The following RAB11FIP4 variants were observed in gnomAD, a reference collection of about 807,000 sequenced individuals.
RAB11FIP4 encodes RAB11 family interacting protein 4.
Under a neutral mutation model 74.3 loss-of-function variants are expected in RAB11FIP4, and 23 were observed. The observed-to-expected ratio is 0.31, with a 90% CI of 0.22 to 0.44. The LOEUF is 0.44. Among genes scored for constraint, RAB11FIP4 ranks in the 20% least tolerant of loss-of-function variants. The pLI is 1.00. For missense variants in RAB11FIP4, 630 were observed against 863.9 expected (o/e 0.73, Z 3.39); for synonymous variants, 360 against 359.9 (o/e 1.00, Z 0.00).
In RAB11FIP4 at chr17:31,536,635, T is replaced by G. The variant is rs2072968770; in HGVS notation, c.*4903T>G. 2 of 198,688 alleles carry G rather than the reference T, an allele frequency of 1.0e-5. No homozygotes were observed. Among genetic ancestry groups the G allele is most frequent in the African/African-American group, 4.6e-5 (2 of 43,372 alleles). The allele number at this position is 198,688 out of a possible 1,614,324, so 12.3% of individuals were successfully genotyped here. ...AAGGGGCCTCAAGTTAGAAGGGCCA[T>G]GCCGTCAGTGGATGACTTTGAGCGC... On this transcript the variant is annotated 3_prime_UTR_variant, in exon 15 of 15. Coordinates refer to ENST00000621161, the MANE Select transcript of RAB11FIP4 (RefSeq NM_032932.6).
At chr17:31,470,263 G>A (rs577150615) in intron 3 of RAB11FIP4, among the ~76,000 whole-genome samples, 1 of 152,262 alleles carries the variant, frequency 6.6e-6, no homozygotes, top group East Asian at 1.9e-4. Flanking sequence ...TGGTCCTCAG[G>A]CACCTGCACC....
intron 7 of RAB11FIP4, 54 bp downstream of exon 7, chr17:31,522,449 T>C: frequency 6.4e-7 from 1 of 1,571,264 alleles, no homozygotes; most frequent in Non-Finnish European, 8.7e-7. Context: ...TGCTGCCCAC[T>C]GGCCGGGGCT....
chr17:31,477,516 G>C (rs1169703354), intron 3 of RAB11FIP4, among the ~76,000 whole-genome samples: 1 of 152,246 alleles, frequency 6.6e-6, no homozygotes, highest in East Asian at 1.9e-4. Flanking sequence ...GCTGTGGGGA[G>C]AAGAGCAGCG....
At chr17:31,440,485 A>G (rs892274319) in intron 3 of RAB11FIP4, among the ~76,000 whole-genome samples, 13 of 152,120 alleles carry the variant, frequency 8.5e-5, no homozygotes, top group African/African-American at 3.1e-4. Flanking sequence ...TTTAACCTTT[A>G]AGGCCAGGTG....
At chr17:31,528,831 G>A (rs1033298352) in intron 13 of RAB11FIP4, 53 bp downstream of exon 13, 47 of 1,560,706 alleles carry the variant, frequency 3.0e-5, no homozygotes, top group Admixed American at 5.2e-5. Flanking sequence ...GGCCCACCAC[G>A]TGGGTTTCCT....
chr17:31,409,979 C>T (rs1440731419), intron 1 of RAB11FIP4, among the ~76,000 whole-genome samples: 1 of 152,138 alleles, frequency 6.6e-6, no homozygotes, highest in Non-Finnish European at 1.5e-5. Flanking sequence ...GGTCAGAGGT[C>T]AACTCCCAGA....
chr17:31,442,421 C>G (rs2071414784), intron 3 of RAB11FIP4, among the ~76,000 whole-genome samples: 1 of 152,174 alleles, frequency 6.6e-6, no homozygotes, highest in Non-Finnish European at 1.5e-5. Context: ...CAGAGGTTGG[C>G]AAATTACAGA....
intron 1 of RAB11FIP4, among the ~76,000 whole-genome samples, chr17:31,421,182 C>G (rs1160487354): frequency 6.6e-6 from 1 of 152,086 alleles, no homozygotes; most frequent in Non-Finnish European, 1.5e-5. Context: ...TTTTCAGATG[C>G]CTTTCTGTTT....
intron 3 of RAB11FIP4, among the ~76,000 whole-genome samples, chr17:31,472,890 G>T (rs1429469400): frequency 1.3e-5 from 2 of 152,022 alleles, no homozygotes; most frequent in Middle Eastern, 3.4e-3. Context: ...AAAATTAGCT[G>T]GGCGTGGTGG....
At chr17:31,438,282 C>A (rs1428908298) in intron 3 of RAB11FIP4, among the ~76,000 whole-genome samples, 44 of 152,058 alleles carry the variant, frequency 2.9e-4, no homozygotes, top group Admixed American at 2.8e-3. Flanking sequence ...CCCGTGGTCA[C>A]CCCTCAGCAG....
intron 2 of RAB11FIP4, among the ~76,000 whole-genome samples, chr17:31,433,242 G>A (rs1597914138): frequency 6.6e-6 from 1 of 152,198 alleles, no homozygotes; most frequent in East Asian, 1.9e-4. Flanking sequence ...AGTCACTTCT[G>A]GAGTCCCAGG....
At chr17:31,503,808 G>C (rs2072266668) in intron 3 of RAB11FIP4, among the ~76,000 whole-genome samples, 1 of 149,654 alleles carries the variant, frequency 6.7e-6, no homozygotes, top group African/African-American at 2.6e-5. Flanking sequence ...TATTCTTTCA[G>C]GATGGCTTCA....
intron 3 of RAB11FIP4, among the ~76,000 whole-genome samples, chr17:31,453,423 T>C (rs1046957262): frequency 2.0e-5 from 3 of 148,126 alleles, no homozygotes; most frequent in Admixed American, 6.8e-5. Context: ...CCAAGAGTTC[T>C]GAGTTTGAAT....
At chr17:31,455,912 C>A (rs768680608) in intron 3 of RAB11FIP4, among the ~76,000 whole-genome samples, 1 of 152,206 alleles carries the variant, frequency 6.6e-6, no homozygotes, top group Non-Finnish European at 1.5e-5. Context: ...GCTGCACTCA[C>A]CCTCCGCTGA....
chr17:31,509,299 G>T (rs1054841167), intron 3 of RAB11FIP4: 1 of 144,072 alleles, frequency 6.9e-6, no homozygotes, highest in African/African-American at 3.0e-5. Context: ...AAATGAATGA[G>T]CACCTGGGGA....
chr17:31,516,207 G>A (rs529881733), intron 3 of RAB11FIP4, among the ~76,000 whole-genome samples: 1 of 151,730 alleles, frequency 6.6e-6, no homozygotes, highest in South Asian at 2.1e-4. Flanking sequence ...GGTCATGTAG[G>A]GTGGATCCCA....
At position 31,391,811 on chromosome 17, in the gene RAB11FIP4, G is replaced by A. The variant is rs1452905553; in HGVS notation, c.-42G>A. 4 of 981,404 alleles carry A rather than the reference G, an allele frequency of 4.1e-6. No homozygotes were observed. In the East Asian group the frequency reaches 3.4e-4, roughly 84 times the overall value. 60.8% of individuals were successfully genotyped at this position (981,404 alleles called of 1,614,324 possible). The stretch of plus-strand genomic sequence containing the variant: ...TGGCGGCGGCGGGCAGGCGGCGGGC[G>A]CGGCGGGCGAGGGGTCCGGGCTGAG... On this transcript the variant is annotated 5_prime_UTR_variant, in exon 1 of 15. Transcript: ENST00000621161.
intron 3 of RAB11FIP4, among the ~76,000 whole-genome samples, chr17:31,435,098 A>C (rs1194194447): frequency 6.6e-6 from 1 of 152,172 alleles, no homozygotes; most frequent in South Asian, 2.1e-4. Context: ...AGGTGGGAGG[A>C]GCACTTGAGC....
At chr17:31,500,552 T>G (rs1389285930) in intron 3 of RAB11FIP4, among the ~76,000 whole-genome samples, 1 of 152,254 alleles carries the variant, frequency 6.6e-6, no homozygotes, top group African/African-American at 2.4e-5. Context: ...AACTGCTGAT[T>G]TATTCTCTTG....
Sources: gnomAD v4.1 joint callset for allele counts (sites outside exome capture counted in the v4.1 genomes callset) on GRCh38, gnomAD v4.1.1 for gene constraint, MANE v1.5 for transcripts, NCBI Gene and HGNC (gene_info 2026-07-23, HGNC 2026-07-21) for gene names.